Variants in CD33 observed in about 807,000 individuals in gnomAD.
CD33 encodes the protein myeloid cell surface antigen CD33.
In CD33, 25 loss-of-function variants were observed where a neutral mutation model predicts 31.4. The observed-to-expected ratio is 0.80, with a 90% CI of 0.58 to 1.11. CD33 has a LOEUF of 1.11. Ranked by LOEUF, CD33 falls within the 50% of genes most tolerant of loss-of-function variation. The pLI, the probability that CD33 is intolerant of heterozygous loss-of-function variation, is 0.00. For missense variants in CD33, 407 were observed against 448.1 expected (o/e 0.91, Z 0.83); for synonymous variants, 176 against 180.6 (o/e 0.97, Z 0.20).
chr19:51,235,736 C>A, intron 6 of CD33, 60 bp downstream of exon 6: 1 of 1,352,690 alleles, frequency 7.4e-7, no homozygotes, highest in Non-Finnish European at 1.0e-6. Flanking sequence ...CCCAATGTGG[C>A]CCACCGTCAT....
chr19:51,233,353 G>A (rs1981556131), intron 4 of CD33, among the ~76,000 whole-genome samples: 1 of 152,220 alleles, frequency 6.6e-6, no homozygotes, highest in South Asian at 2.1e-4. Context: ...TCCTCCAGCT[G>A]GAAGTACGGG....
At chr19:51,235,434 C>T (rs1981713063) in intron 5 of CD33, 161 bp from the exon 6 acceptor site, 1 of 1,361,868 alleles carries the variant, frequency 7.3e-7, no homozygotes, top group Non-Finnish European at 9.9e-7. Flanking sequence ...CTCAGATGTC[C>T]AAGGAGTGGG....
At chr19:51,217,468 G>A in the CD33 span, among the ~76,000 whole-genome samples, 1 of 150,666 alleles carries the variant, frequency 6.6e-6, no homozygotes, top group Non-Finnish European at 1.5e-5. Flanking sequence ...TGAGTGCGAT[G>A]GTGTGATCTT....
the CD33 span, chr19:51,212,106 G>T: frequency 2.2e-5 from 14 of 628,184 alleles, no homozygotes; most frequent in Admixed American, 2.5e-4. Flanking sequence ...GTCCCTGAGG[G>T]TGTGATGGGG....
chr19:51,236,074 T>C (rs994766264), intron 6 of CD33: 4 of 505,616 alleles, frequency 7.9e-6, no homozygotes, highest in African/African-American at 1.9e-5. Flanking sequence ...AGGAGAATGG[T>C]ATGAACCCGG....
intron 6 of CD33, chr19:51,238,378 C>T (rs1981940048): frequency 6.6e-6 from 1 of 152,158 alleles, no homozygotes; most frequent in African/African-American, 2.4e-5. Flanking sequence ...GGGAGCTTCC[C>T]TATCAACATC....
At chr19:51,212,163 G>A in the CD33 span, 2 of 458,878 alleles carry the variant, frequency 4.4e-6, no homozygotes, top group Non-Finnish European at 8.3e-6. Context: ...ACTGGTGGCT[G>A]TGTCCTAGAG....
Position 51,225,235 on chromosome 19 carries a change from C to T in CD33, c.55C>T (p.Pro19Ser). ...LLWAGALAMD[P>S]NFWLQVQESV... is the part of the protein sequence containing the mutation. ...CCCCACAGGGGCCCTGGCTATGGATCCAAATTTCTGGCTGCAAGTGCAGGA... is the reference window on the plus strand; with the variant it reads ...CCCCACAGGGGCCCTGGCTATGGATTCAAATTTCTGGCTGCAAGTGCAGGA... Residue 19 changes from proline (P) to serine (S), a missense_variant, in exon 2 of 7, where the codon CCA becomes TCA. Physicochemically the swap from Pro to Ser is moderately conservative, Grantham distance 74. Coordinates refer to ENST00000262262, the MANE Select transcript of CD33 (RefSeq NM_001772.4). 2 of 1,613,326 alleles carry T rather than the reference C, an allele frequency of 1.2e-6. No individual in the cohort carries two copies. Among genetic ancestry groups the T allele is most frequent in the Non-Finnish European group, 1.7e-6 (2 of 1,179,446 alleles).
upstream of CD33, among the ~76,000 whole-genome samples, chr19:51,220,964 A>G (rs10439116): frequency 6.6e-6 from 1 of 152,230 alleles, no homozygotes; most frequent in African/African-American, 2.4e-5. Context: ...ACTTGTATCC[A>G]GAATATATCA....
At chr19:51,214,034 A>G in the CD33 span, among the ~76,000 whole-genome samples, 1 of 146,126 alleles carries the variant, frequency 6.8e-6, no homozygotes, top group South Asian at 2.2e-4. Context: ...TAATTTTCGT[A>G]TTTTTAGTAG....
the CD33 span, among the ~76,000 whole-genome samples, chr19:51,218,023 T>G: frequency 6.6e-6 from 1 of 152,206 alleles, no homozygotes; most frequent in Non-Finnish European, 1.5e-5. Flanking sequence ...GTTTTTGATA[T>G]AATAATTTCT....
At chr19:51,231,443 A>G (rs1044722234) in intron 4 of CD33, among the ~76,000 whole-genome samples, 1 of 152,236 alleles carries the variant, frequency 6.6e-6, no homozygotes, top group Admixed American at 6.5e-5. Flanking sequence ...CTTTTCATTC[A>G]TTCAGGCAGT....
upstream of CD33, among the ~76,000 whole-genome samples, chr19:51,224,690 G>C (rs538143371): frequency 6.6e-6 from 1 of 152,084 alleles, no homozygotes; most frequent in Non-Finnish European, 1.5e-5. Flanking sequence ...CCTATATCCT[G>C]CTGGACTAAA....
At chr19:51,218,783 C>T in the CD33 span, among the ~76,000 whole-genome samples, 3 of 152,170 alleles carry the variant, frequency 2.0e-5, no homozygotes, top group Non-Finnish European at 4.4e-5. Context: ...AATAAGGTGT[C>T]CTGTCCCCAG....
At chr19:51,222,769 T>C (rs1980745965), upstream of CD33, among the ~76,000 whole-genome samples, 1 of 152,226 alleles carries the variant, frequency 6.6e-6, no homozygotes, top group Non-Finnish European at 1.5e-5. Flanking sequence ...AGGCTGTACA[T>C]ACTCGTCAAA....
intron 4 of CD33, among the ~76,000 whole-genome samples, chr19:51,234,430 A>AT (rs1169205475): frequency 1.3e-5 from 2 of 152,080 alleles, no homozygotes; most frequent in Non-Finnish European, 2.9e-5. Flanking sequence ...TCTTTAGGGC[A>AT]TTTTTTTCTA....
rs1981003495 is a variant in CD33 at position 51,226,056 on chromosome 19, G to A, written c.672G>A (p.Glu224=). The change falls in exon 3 of 7, where the codon GAG becomes GAA. Residue 224 remains glutamate, a synonymous_variant. Transcript: ENST00000262262. ...VKFAGAGVTT[E]RTIQLNVTYV... Reference sequence around the variant, plus strand: ...TCGCTGGAGCTGGTGTGACTACGGAGAGAACCATCCAGCTCAACGTCACCT... The same window carrying A: ...TCGCTGGAGCTGGTGTGACTACGGAAAGAACCATCCAGCTCAACGTCACCT... 6.2e-7 allele frequency: 1 copy of A among 1,614,106 alleles called. No individual in the cohort carries two copies. The highest frequency in any genetic ancestry group is 8.5e-7 in the Non-Finnish European group (1 of 1,179,968).
At chr19:51,234,376 A>G (rs977093473) in intron 4 of CD33, among the ~76,000 whole-genome samples, 12 of 152,198 alleles carry the variant, frequency 7.9e-5, no homozygotes, top group Non-Finnish European at 1.2e-4. Context: ...ACATGAATCC[A>G]CCATGAGAGT....
chr19:51,223,211 C>T (rs993095424), upstream of CD33, among the ~76,000 whole-genome samples: 1 of 151,994 alleles, frequency 6.6e-6, no homozygotes, highest in Middle Eastern at 3.4e-3. Context: ...CAAAGCAAGA[C>T]CCTGTCTTAA....
Sources: allele counts gnomAD v4.1 joint callset (sites outside exome capture counted in the v4.1 genomes callset), GRCh38; gene constraint gnomAD v4.1.1; transcripts MANE v1.5; gene names NCBI Gene and HGNC (gene_info 2026-07-23, HGNC 2026-07-21).